COL23A1: variants seen among roughly 807,000 people sequenced by gnomAD.
COL23A1 encodes collagen type XXIII alpha 1 chain, also known as collagen alpha-1(XXIII) chain.
A neutral mutation model predicts 99.3 loss-of-function variants in COL23A1; 97 were observed. The observed-to-expected ratio is 0.98, with a 90% CI of 0.83 to 1.16. The LOEUF (loss-of-function observed/expected upper bound fraction) is 1.16. Among genes scored for constraint, COL23A1 ranks in the 50% most tolerant of loss-of-function variants. The pLI, the probability that COL23A1 is intolerant of heterozygous loss-of-function variation, is 0.00. For missense variants in COL23A1, 762 were observed against 757.4 expected (o/e 1.01, Z -0.07); for synonymous variants, 320 against 308.2 (o/e 1.04, Z -0.40).
chr5:178,422,181 G>A (rs1022312980), intron 2 of COL23A1, among the ~76,000 whole-genome samples: 3 of 152,274 alleles, frequency 2.0e-5, no homozygotes, highest in East Asian at 3.9e-4. Context: ...GATAATAGGT[G>A]AGCCCCTGGG....
chr5:178,247,949 G>C, intron 20 of COL23A1, 118 bp from the exon 21 acceptor site: 1 of 941,938 alleles, frequency 1.1e-6, no homozygotes, highest in South Asian at 1.7e-5. Context: ...AGAGGGCAGA[G>C]TCTGGTGAGC....
intron 26 of COL23A1, 78 bp downstream of exon 26, chr5:178,242,263 T>C: frequency 6.5e-7 from 1 of 1,532,260 alleles, no homozygotes; most frequent in South Asian, 1.2e-5. Context: ...TCTCTCTACC[T>C]GCTTCACCTG....
Position 178,549,978 on chromosome 5 carries a change from A to G in COL23A1, c.361+10704T>C, listed in dbSNP as rs565623406. Among the ~76,000 whole-genome samples, 13 of 152,318 alleles carry G rather than the reference A, an allele frequency of 8.5e-5. No homozygotes were observed. In the East Asian group the frequency reaches 2.1e-3, roughly 25 times the overall value. On this transcript the variant is annotated intron_variant, in intron 2 of 28. Transcript: ENST00000390654. ...TGAAACATTCTGTAATGAAAATTAA[A>G]ATTATTTTTTAATATTAAGTAAAGA...
At chr5:178,522,827 C>A (rs950390918) in intron 2 of COL23A1, among the ~76,000 whole-genome samples, 2 of 152,110 alleles carry the variant, frequency 1.3e-5, no homozygotes, top group Non-Finnish European at 2.9e-5. Flanking sequence ...CGAGGGCATC[C>A]TTCCCATTCA....
At chr5:178,585,224 AC>A (rs1299449684) in intron 1 of COL23A1, among the ~76,000 whole-genome samples, 1 of 151,852 alleles carries the variant, frequency 6.6e-6, no homozygotes, top group Non-Finnish European at 1.5e-5. Context: ...GGATGACTGA[AC>A]CCCCGCTCTG....
chr5:178,444,826 C>A (rs913308934), intron 2 of COL23A1, among the ~76,000 whole-genome samples: 1 of 152,066 alleles, frequency 6.6e-6, no homozygotes, highest in Non-Finnish European at 1.5e-5. Context: ...AATAAAAAAA[C>A]CCACACTACA....
intron 2 of COL23A1, among the ~76,000 whole-genome samples, chr5:178,541,264 C>T (rs1761268702): frequency 6.6e-6 from 1 of 152,182 alleles, no homozygotes; most frequent in Non-Finnish European, 1.5e-5. Context: ...AATTGTCAAA[C>T]ACACTGGGTG....
rs183072215 is a variant in COL23A1 at position 178,484,575 on chromosome 5, G to C, written c.361+76107C>G. ...GTGGTGGCTCACGCCTGTAATCCCA[G>C]CACTTTAGGAGGCCGAGGTGGGCGG... On this transcript the variant is annotated intron_variant, in intron 2 of 28. Transcript: ENST00000390654. 1.6e-4 allele frequency among the ~76,000 whole-genome samples: 24 copies of C among 152,212 alleles called. 2 individuals carry two copies. In the East Asian group the frequency reaches 4.3e-3, roughly 27 times the overall value.
At position 178,253,545 on chromosome 5, in the gene COL23A1, C is replaced by T. The variant is rs531009753; in HGVS notation, c.961-948G>A. Among the ~76,000 whole-genome samples the T allele has an allele frequency of 1.1e-4, 16 of 151,942 alleles. No homozygotes were observed. In the South Asian group the frequency reaches 2.9e-3, roughly 28 times the overall value. ...TTGCCCAGCCTGGAGTGCAGAGGTG[C>T]GATCTCAGTTCACCACAACCTCTGC... On this transcript the variant is annotated intron_variant, in intron 16 of 28. Coordinates refer to ENST00000390654, the MANE Select transcript of COL23A1 (RefSeq NM_173465.4).
At chr5:178,350,020 C>T (rs1301162866) in intron 2 of COL23A1, among the ~76,000 whole-genome samples, 1 of 152,330 alleles carries the variant, frequency 6.6e-6, no homozygotes, top group African/African-American at 2.4e-5. Flanking sequence ...CTTCAAGGTC[C>T]TCAGGCCCTC....
In COL23A1 at chr5:178,372,503, C is replaced by G. The variant is rs375271622; in HGVS notation, c.362-65584G>C. Among the ~76,000 whole-genome samples the G allele has an allele frequency of 2.3e-4, 35 of 152,294 alleles. No homozygotes were observed. The East Asian group carries it at 6.6e-3, about 29-fold the overall frequency. On this transcript the variant is annotated intron_variant, in intron 2 of 28. Coordinates refer to ENST00000390654, the MANE Select transcript of COL23A1 (RefSeq NM_173465.4). The stretch of plus-strand genomic sequence containing the variant: ...AAAGCAGCGTCCACAGGAACGAAAT[C>G]CTGGGGGGCGGGGGCTGCGGTCCCT...
At chr5:178,316,241 T>G (rs1758976336) in intron 2 of COL23A1, among the ~76,000 whole-genome samples, 1 of 152,200 alleles carries the variant, frequency 6.6e-6, no homozygotes, top group Admixed American at 6.5e-5. Context: ...CTAAAGAAGT[T>G]AGAAAGTATT....
At chr5:178,586,732 A>G (rs536597688) in intron 1 of COL23A1, among the ~76,000 whole-genome samples, 2 of 152,296 alleles carry the variant, frequency 1.3e-5, no homozygotes, top group East Asian at 3.9e-4. Flanking sequence ...AAATGTAGCT[A>G]TGATTTACAC....
chr5:178,411,399 AT>A (rs761366419), intron 2 of COL23A1, among the ~76,000 whole-genome samples: 7 of 152,244 alleles, frequency 4.6e-5, no homozygotes, highest in Non-Finnish European at 8.8e-5. Flanking sequence ...CCAAATGCCC[AT>A]CAAAAGATGA....
At chr5:178,553,796 A>G (rs573221075) in intron 2 of COL23A1, among the ~76,000 whole-genome samples, 2 of 152,300 alleles carry the variant, frequency 1.3e-5, no homozygotes, top group East Asian at 3.9e-4. Flanking sequence ...ACGTGCCAGT[A>G]AAGTCTGCCA....
intron 2 of COL23A1, among the ~76,000 whole-genome samples, chr5:178,450,168 A>T (rs188445996): frequency 3.4e-4 from 52 of 152,320 alleles, no homozygotes; most frequent in African/African-American, 1.2e-3. Context: ...TCCAGCAAGC[A>T]GCCCTAGGTA....
chr5:178,272,067 G>A (rs1756321295), intron 5 of COL23A1, among the ~76,000 whole-genome samples: 1 of 152,228 alleles, frequency 6.6e-6, no homozygotes, highest in Non-Finnish European at 1.5e-5. Context: ...TGGTCACTCT[G>A]CACCCCTGTC....
chr5:178,585,484 CAGCCCTGGATGACGCTGGA>C (rs1305838296), intron 1 of COL23A1, among the ~76,000 whole-genome samples: 7 of 149,926 alleles, frequency 4.7e-5, no homozygotes, highest in African/African-American at 7.4e-5. Context: ...TAACACTCCA[CAGCCCTGGATGACGCTGGA>C]GTAACACTCC....
chr5:178,279,689 G>A (rs983860380), intron 5 of COL23A1, among the ~76,000 whole-genome samples: 5 of 152,188 alleles, frequency 3.3e-5, no homozygotes, highest in Non-Finnish European at 5.9e-5. Context: ...GGGTGCTCCA[G>A]GGACACAGGC....
Sources: allele counts gnomAD v4.1 joint callset (sites outside exome capture counted in the v4.1 genomes callset), GRCh38; gene constraint gnomAD v4.1.1; transcripts MANE v1.5; gene names NCBI Gene and HGNC (gene_info 2026-07-23, HGNC 2026-07-21).